The following VBP1 variants were observed in gnomAD, a reference collection of about 807,000 sequenced individuals.
VBP1 encodes prefoldin subunit 3.
In VBP1, 4 loss-of-function variants were observed where a neutral mutation model predicts 15.5. The ratio of observed to expected loss-of-function variants is 0.26; its 90% confidence interval spans 0.13 to 0.59. The LOEUF (loss-of-function observed/expected upper bound fraction) is 0.59. Ranked by LOEUF, VBP1 falls within the 20% of genes least tolerant of loss-of-function variation. The pLI, the probability that VBP1 is intolerant of heterozygous loss-of-function variation, is 0.90. For synonymous variants in VBP1, 61 were observed against 52.1 expected (o/e 1.17, Z -0.74); for missense variants, 108 against 139.6 (o/e 0.77, Z 1.14).
At chrX:155,231,832 C>G (rs2074748154) in intron 4 of VBP1, among the ~76,000 whole-genome samples, 1 of 112,147 alleles carries the variant, frequency 8.9e-6, no homozygotes, top group East Asian at 2.8e-4. Context: ...ATAATATTCC[C>G]AAGTCAAGGG....
At chrX:155,199,562 A>G (rs2074593297) in intron 1 of VBP1, among the ~76,000 whole-genome samples, 1 of 111,770 alleles carries the variant, frequency 8.9e-6, no homozygotes. Flanking sequence ...AAATGCTGAG[A>G]GATTTTGTCA....
At chrX:155,235,525 A>G (rs782414635) in intron 4 of VBP1, among the ~76,000 whole-genome samples, 8 of 111,264 alleles carry the variant, frequency 7.2e-5, no homozygotes, top group Non-Finnish European at 1.5e-4. Flanking sequence ...TGGCTTCCCA[A>G]TTCCAGGGTA....
chrX:155,204,081 G>A (rs1557307844), intron 1 of VBP1, among the ~76,000 whole-genome samples: 1 of 112,012 alleles, frequency 8.9e-6, no homozygotes, highest in African/African-American at 3.3e-5. Flanking sequence ...GCTCTGCACA[G>A]AACATCTATA....
At chrX:155,197,969 G>A (rs2074584966) in intron 1 of VBP1, among the ~76,000 whole-genome samples, 1 of 112,420 alleles carries the variant, frequency 8.9e-6, no homozygotes, top group African/African-American at 3.2e-5. Context: ...CCTGCACATG[G>A]CTTGGAGGGT....
chrX:155,224,086 C>T (rs1255566730), intron 2 of VBP1, among the ~76,000 whole-genome samples: 2 of 108,388 alleles, frequency 1.8e-5, no homozygotes, highest in Non-Finnish European at 3.8e-5. Flanking sequence ...GACGGGATGA[C>T]GGCCTGGAAG....
chrX:155,199,472 G>T (rs1557307106), intron 1 of VBP1, among the ~76,000 whole-genome samples: 3 of 111,756 alleles, frequency 2.7e-5, no homozygotes, highest in Non-Finnish European at 5.6e-5. Context: ...TTAAAGAAAA[G>T]AATTTTCAAC....
At chrX:155,211,087 A>G (rs373808141) in intron 2 of VBP1, among the ~76,000 whole-genome samples, 2 of 111,843 alleles carry the variant, frequency 1.8e-5, no homozygotes, top group South Asian at 3.7e-4. Flanking sequence ...ATGACTTCCA[A>G]GGTTTCTTGG....
At chrX:155,208,594 CCTTA>C (rs1387196314) in intron 1 of VBP1, among the ~76,000 whole-genome samples, 4 of 111,825 alleles carry the variant, frequency 3.6e-5, no homozygotes, top group African/African-American at 1.3e-4. Flanking sequence ...CATTTGTAGG[CCTTA>C]CTTTGTGGCT....
In VBP1 at chrX:155,217,500, C is replaced by T. The variant is rs188136501; in HGVS notation, c.93+925C>T. On this transcript the variant is annotated intron_variant, in intron 1 of 5. Coordinates refer to ENST00000286428, the MANE Select transcript of VBP1 (RefSeq NM_003372.7). ...AGTTTCTCAATCTTTTGGTTTGTACCTTACCTTACCTCTGCCTTTTTTTTA... is the reference window on the plus strand; with the variant it reads ...AGTTTCTCAATCTTTTGGTTTGTACTTTACCTTACCTCTGCCTTTTTTTTA... 1.2e-4 allele frequency among the ~76,000 whole-genome samples: 13 copies of T among 112,374 alleles called. No individual in the cohort carries two copies. In the East Asian group the frequency reaches 3.6e-3, roughly 31 times the overall value.
At chrX:155,220,698 A>G (rs1279126584) in intron 2 of VBP1, among the ~76,000 whole-genome samples, 1 of 112,177 alleles carries the variant, frequency 8.9e-6, no homozygotes, top group Non-Finnish European at 1.9e-5. Context: ...AGGCATAGGA[A>G]AAAAGCTATC....
chrX:155,218,223 A>G (rs185675517), intron 1 of VBP1, among the ~76,000 whole-genome samples: 5 of 111,888 alleles, frequency 4.5e-5, no homozygotes, highest in Admixed American at 3.8e-4. Context: ...TATGTTTCCA[A>G]ACTATTAATA....
rs1025913252 is a variant in VBP1 at position 155,239,769 on chromosome X, A to G, written c.*927A>G. 23 of 112,591 alleles carry G rather than the reference A, an allele frequency of 2.0e-4. No homozygotes were observed. Among genetic ancestry groups the G allele is most frequent in the African/African-American group, 7.1e-4 (22 of 30,978 alleles). The allele number at this position is 112,591 out of a possible 1,213,427, so 9.3% of individuals were successfully genotyped here. Reference sequence around the variant, plus strand: ...ATGTAGTAAAAAGTATACTTATACAATGTTTTGTACTTGTATTTCATGAAA... The same window carrying G: ...ATGTAGTAAAAAGTATACTTATACAGTGTTTTGTACTTGTATTTCATGAAA... On this transcript the variant is annotated 3_prime_UTR_variant, in exon 6 of 6. Transcript: ENST00000286428.
intron 2 of VBP1, among the ~76,000 whole-genome samples, chrX:155,226,299 C>G (rs1557310254): frequency 9.0e-6 from 1 of 111,584 alleles, no homozygotes; most frequent in Admixed American, 9.5e-5. Flanking sequence ...CTGTTTTTCT[C>G]TTATGTTCTT....
intron 2 of VBP1, among the ~76,000 whole-genome samples, chrX:155,210,796 G>A (rs1557308461): frequency 8.9e-6 from 1 of 112,122 alleles, no homozygotes; most frequent in East Asian, 2.8e-4. Context: ...CTAAGTAACA[G>A]CAAGAGCAAT....
At chrX:155,204,116 G>A (rs782702041) in intron 1 of VBP1, among the ~76,000 whole-genome samples, 3 of 111,467 alleles carry the variant, frequency 2.7e-5, no homozygotes, top group South Asian at 3.8e-4. Flanking sequence ...ACTTTATCTC[G>A]TGCAGCTGTT....
intron 1 of VBP1, among the ~76,000 whole-genome samples, chrX:155,202,483 A>G (rs1435757992): frequency 2.1e-4 from 23 of 111,007 alleles, no homozygotes; most frequent in Admixed American, 9.6e-5. Flanking sequence ...TCTTTGACAA[A>G]CCTGAGAAAA....
chrX:155,202,256 A>G (rs1557307576), intron 1 of VBP1, among the ~76,000 whole-genome samples: 1 of 111,661 alleles, frequency 9.0e-6, no homozygotes, highest in African/African-American at 3.3e-5. Flanking sequence ...ATTGGAAAAA[A>G]TTTTAAAGTT....
chrX:155,203,958 T>G (rs1330863805), intron 1 of VBP1, among the ~76,000 whole-genome samples: 1 of 111,432 alleles, frequency 9.0e-6, no homozygotes, highest in African/African-American at 3.3e-5. Context: ...CAAGATCAAA[T>G]TCTAATGATT....
At chrX:155,236,080 A>G in intron 4 of VBP1, 149 bp from the exon 5 acceptor site, 2 of 604,874 alleles carry the variant, frequency 3.3e-6, no homozygotes, top group South Asian at 4.0e-5. Context: ...AAGCCTGAGT[A>G]GAGAATAGCT....
Sources: gnomAD v4.1 joint callset for allele counts (sites outside exome capture counted in the v4.1 genomes callset) on GRCh38, gnomAD v4.1.1 for gene constraint, MANE v1.5 for transcripts, NCBI Gene and HGNC (gene_info 2026-07-23, HGNC 2026-07-21) for gene names.